CCDC30: variants seen among roughly 807,000 people sequenced by gnomAD.
The protein encoded by CCDC30 is coiled-coil domain containing 30.
Under a neutral mutation model 100.2 loss-of-function variants are expected in CCDC30, and 70 were observed. The ratio of observed to expected loss-of-function variants is 0.70; its 90% CI spans 0.58 to 0.85. The LOEUF (loss-of-function observed/expected upper bound fraction) is 0.85. Among genes scored for constraint, CCDC30 ranks in the 40% least tolerant of loss-of-function variants. CCDC30 has a pLI of 0.00. For synonymous variants in CCDC30, 233 were observed against 269.5 expected, an observed-to-expected ratio of 0.86 and a Z score of 1.33; for missense variants, 652 against 771.2, an observed-to-expected ratio of 0.85 and a Z score of 1.83.
intron 2 of CCDC30, among the ~76,000 whole-genome samples, chr1:42,482,166 C>T (rs12130789): frequency 0.22 from 33,808 of 150,622 alleles, 4,855 homozygotes; most frequent in Non-Finnish European, 0.31. Flanking sequence ...TGCAGTTGTG[C>T]CATTAGAGAC....
At chr1:42,545,622 G>A in intron 6 of CCDC30, 43 bp downstream of exon 9, 1 of 1,524,184 alleles carries the variant, frequency 6.6e-7, no homozygotes, top group East Asian at 2.4e-5. Context: ...ATTCAGAGAG[G>A]GTATATTTTA....
At chr1:42,526,144 C>G (rs1417294883) in intron 6 of CCDC30, among the ~76,000 whole-genome samples, 1 of 152,132 alleles carries the variant, frequency 6.6e-6, no homozygotes. Flanking sequence ...CTCATATCAC[C>G]ACACTCTAGA....
chr1:42,556,030 T>G (rs1645361359), intron 6 of CCDC30, 126 bp from the exon 10 acceptor site: 1 of 908,606 alleles, frequency 1.1e-6, no homozygotes. Flanking sequence ...ATAAGATGAC[T>G]GTTGTGCTAT....
chr1:42,510,841 CT>C (rs768024885), intron 6 of CCDC30, among the ~76,000 whole-genome samples: 3 of 151,932 alleles, frequency 2.0e-5, no homozygotes, highest in Admixed American at 6.6e-5. Flanking sequence ...GAATCATTCT[CT>C]GTAGGTCGCC....
chr1:42,518,168 C>A (rs1008175946), intron 6 of CCDC30, among the ~76,000 whole-genome samples: 1 of 152,042 alleles, frequency 6.6e-6, no homozygotes, highest in African/African-American at 2.4e-5. Context: ...TTTTATTGTA[C>A]AAGTCTTTCA....
At chr1:42,542,539 CTTTTTTTTTTTT>C (rs58751072) in intron 6 of CCDC30, among the ~76,000 whole-genome samples, 4 of 75,564 alleles carry the variant, frequency 5.3e-5, no homozygotes, top group Non-Finnish European at 1.0e-4. Context: ...TTAAATTTTT[CTTTTTTTTTTTT>C]TTTTTTTTTT....
intron 6 of CCDC30, among the ~76,000 whole-genome samples, chr1:42,516,320 T>C (rs538935866): frequency 8.5e-4 from 129 of 152,140 alleles, no homozygotes; most frequent in African/African-American, 3.0e-3. Context: ...TGATTCCCAG[T>C]GTGGTGGTAT....
chr1:42,558,026 C>G (rs1468018531), intron 6 of CCDC30: 1 of 175,124 alleles, frequency 5.7e-6, no homozygotes, highest in African/African-American at 2.4e-5. Flanking sequence ...AACTTTCTAC[C>G]AGGATTATAT....
At chr1:42,570,043 T>C (rs1048565111) in intron 7 of CCDC30, among the ~76,000 whole-genome samples, 3 of 152,172 alleles carry the variant, frequency 2.0e-5, no homozygotes, top group Non-Finnish European at 4.4e-5. Context: ...GGTTGATGGG[T>C]GCAGCAAACT....
chr1:42,474,759 A>C (rs1643864182), intron 1 of CCDC30, among the ~76,000 whole-genome samples: 2 of 152,162 alleles, frequency 1.3e-5, no homozygotes, highest in African/African-American at 4.8e-5. Context: ...TCACCTCCAA[A>C]GTGGGAGAAT....
At chr1:42,581,243 T>C in intron 8 of CCDC30, 117 bp from the exon 13 acceptor site, 2 of 754,978 alleles carry the variant, frequency 2.6e-6, no homozygotes, top group South Asian at 3.9e-5. Flanking sequence ...TCTTTTTACT[T>C]CAGGTCAGAT....
intron 1 of CCDC30, among the ~76,000 whole-genome samples, chr1:42,474,963 G>A (rs1023803776): frequency 1.3e-5 from 2 of 152,068 alleles, no homozygotes; most frequent in Non-Finnish European, 2.9e-5. Context: ...AATCATCTTA[G>A]CCATCAGTTT....
chr1:42,574,248 T>C (rs1487407995), intron 7 of CCDC30, among the ~76,000 whole-genome samples: 1 of 152,134 alleles, frequency 6.6e-6, no homozygotes, highest in Non-Finnish European at 1.5e-5. Context: ...TTTTGCTTTC[T>C]TTTGGGTAGG....
At chr1:42,629,121 G>C (rs1570295216) in intron 11 of CCDC30, among the ~76,000 whole-genome samples, 1 of 152,144 alleles carries the variant, frequency 6.6e-6, no homozygotes, top group East Asian at 1.9e-4. Flanking sequence ...TTACCAGTGA[G>C]TCTTATACCT....
At chr1:42,629,244 T>C (rs1646988309) in intron 11 of CCDC30, among the ~76,000 whole-genome samples, 1 of 152,238 alleles carries the variant, frequency 6.6e-6, no homozygotes, top group Admixed American at 6.5e-5. Context: ...GCTTTGTTTG[T>C]CTGGGAAAGT....
intron 11 of CCDC30, among the ~76,000 whole-genome samples, chr1:42,634,033 G>C (rs1477569877): frequency 6.6e-6 from 1 of 152,052 alleles, no homozygotes; most frequent in East Asian, 1.9e-4. Context: ...AGAACAGTAT[G>C]GAGGCAACCG....
intron 10 of CCDC30, among the ~76,000 whole-genome samples, chr1:42,597,113 A>G (rs1646304620): frequency 6.6e-6 from 1 of 152,206 alleles, no homozygotes; most frequent in South Asian, 2.1e-4. Flanking sequence ...AAAAGCAAAC[A>G]AAAAAATACT....
intron 6 of CCDC30, among the ~76,000 whole-genome samples, chr1:42,533,161 C>CT (rs1644833904): frequency 6.6e-6 from 1 of 151,922 alleles, no homozygotes; most frequent in Admixed American, 6.6e-5. Context: ...AACATTTAAA[C>CT]TTTTTTTTAG....
chr1:42,531,091 T>C (rs574611309), intron 6 of CCDC30, among the ~76,000 whole-genome samples: 2 of 152,020 alleles, frequency 1.3e-5, no homozygotes, highest in East Asian at 3.9e-4. Flanking sequence ...TGGGAGGTGA[T>C]TGGATCATGG....
Sources: gnomAD v4.1 joint callset for allele counts (sites outside exome capture counted in the v4.1 genomes callset) on GRCh38, gnomAD v4.1.1 for gene constraint, MANE v1.5 for transcripts, NCBI Gene and HGNC (gene_info 2026-07-23, HGNC 2026-07-21) for gene names.